SOX13: variants seen among roughly 807,000 people sequenced by gnomAD.
SOX13 encodes transcription factor SOX-13.
In SOX13, 28 loss-of-function variants were observed where a neutral mutation model predicts 71.8. The ratio of observed to expected loss-of-function variants is 0.39; its 90% CI spans 0.29 to 0.53. The LOEUF (loss-of-function observed/expected upper bound fraction) is 0.53. SOX13 is among the 20% of genes least tolerant of loss of function. The probability of loss-of-function intolerance (pLI) is 0.70; values close to 1 mark genes in which losing one functional copy is unlikely to be tolerated. For missense variants in SOX13, 627 were observed against 810.3 expected (o/e 0.77, Z 2.75); for synonymous variants, 309 against 317.8 (o/e 0.97, Z 0.29).
chr1:204,122,460 A>G, intron 9 of SOX13, 61 bp downstream of exon 9: 6 of 1,406,270 alleles, frequency 4.3e-6, no homozygotes, highest in Non-Finnish European at 5.8e-6. Flanking sequence ...CGGCGGCATG[A>G]TGCGACCTTG....
chr1:204,099,921 A>G (rs529005589), intron 1 of SOX13, among the ~76,000 whole-genome samples: 25 of 151,922 alleles, frequency 1.6e-4, no homozygotes, highest in African/African-American at 5.8e-4. Context: ...GCAGGAGGAT[A>G]GCTTGAGGCC....
Position 204,082,098 on chromosome 1 carries a change from G to A in SOX13, c.-2+8387G>A, listed in dbSNP as rs532513560. 4.0e-5 allele frequency among the ~76,000 whole-genome samples: 6 copies of A among 151,744 alleles called. No homozygotes were observed. In the South Asian group the frequency reaches 6.3e-4, roughly 16 times the overall value. ...TGTGTGTGGGGGGGAGGGAAGCTGA[G>A]TGTGATGTGTGTGTGAGTGTAATGT... On this transcript the variant is annotated intron_variant, in intron 1 of 13. Transcript: ENST00000367204.
intron 1 of SOX13, among the ~76,000 whole-genome samples, chr1:204,098,512 G>T (rs2102238944): frequency 6.6e-6 from 1 of 152,166 alleles, no homozygotes; most frequent in East Asian, 1.9e-4. Flanking sequence ...TGTTGTTGTT[G>T]CTGATTTTCT....
At chr1:204,075,040 G>C (rs1283354139) in intron 1 of SOX13, among the ~76,000 whole-genome samples, 1 of 152,200 alleles carries the variant, frequency 6.6e-6, no homozygotes, top group African/African-American at 2.4e-5. Flanking sequence ...GCTCTCAGCA[G>C]TCCAAGTAGG....
intron 7 of SOX13, among the ~76,000 whole-genome samples, chr1:204,120,166 C>T (rs1219632563): frequency 1.3e-5 from 2 of 152,226 alleles, no homozygotes; most frequent in Non-Finnish European, 2.9e-5. Flanking sequence ...CACTTTGTTT[C>T]AACAGCCTGA....
At chr1:204,086,132 G>C (rs978535363) in intron 1 of SOX13, among the ~76,000 whole-genome samples, 1 of 152,174 alleles carries the variant, frequency 6.6e-6, no homozygotes, top group Non-Finnish European at 1.5e-5. Flanking sequence ...GGTGTGGAGG[G>C]CCTGTGCAGC....
At chr1:204,114,700 A>G in intron 4 of SOX13, 95 bp downstream of exon 4, 1 of 929,434 alleles carries the variant, frequency 1.1e-6, no homozygotes, top group South Asian at 1.3e-5. Context: ...AGTTCTTGGT[A>G]CATACCTATC....
chr1:204,106,517 A>T (rs944283070), intron 1 of SOX13, among the ~76,000 whole-genome samples: 20 of 140,058 alleles, frequency 1.4e-4, no homozygotes, highest in East Asian at 4.1e-4. Context: ...TCCAAAATAA[A>T]TTTTTTTTTT....
intron 4 of SOX13, chr1:204,116,177 TCCACCCTGACCCTGTGTGGCG>T (rs1302706648): frequency 1.6e-6 from 2 of 1,283,692 alleles, no homozygotes; most frequent in African/African-American, 1.5e-5. Context: ...GGGATGGTTG[TCCACCCTGACCCTGTGTGGCG>T]CTGAGCACTC....
At chr1:204,078,839 T>TC (rs1655836737) in intron 1 of SOX13, among the ~76,000 whole-genome samples, 1 of 152,230 alleles carries the variant, frequency 6.6e-6, no homozygotes, top group African/African-American at 2.4e-5. Context: ...GCAGGGTTCC[T>TC]CCGACCTCTG....
intron 7 of SOX13, chr1:204,118,177 C>T (rs1656732587): frequency 6.5e-6 from 1 of 154,730 alleles, no homozygotes; most frequent in Non-Finnish European, 1.4e-5. Context: ...GTCCCAGCTA[C>T]TCAGAAGACT....
rs141073338 is a variant in SOX13, at chr1:204,104,286, C to T, written c.-1-8629C>T. On this transcript the variant is annotated intron_variant, in intron 1 of 13. Transcript: ENST00000367204. ...CCCCCCTGAGCTGGGCTAGACCAGA[C>T]CGGCCGTGCCCTGGATCTGATACCC... Among the ~76,000 whole-genome samples, 1,166 of 152,316 alleles carry T rather than the reference C, an allele frequency of 7.7e-3. 18 individuals carry two copies. The highest frequency in any genetic ancestry group is 0.027 in the African/African-American group (1,129 of 41,572).
At chr1:204,113,602 C>G (rs1019848251) in intron 2 of SOX13, among the ~76,000 whole-genome samples, 5 of 152,010 alleles carry the variant, frequency 3.3e-5, no homozygotes, top group African/African-American at 4.8e-5. Flanking sequence ...ATTCTTGCAG[C>G]TCCTAAAAAT....
intron 1 of SOX13, among the ~76,000 whole-genome samples, chr1:204,086,337 T>C (rs1007059490): frequency 6.6e-6 from 1 of 152,220 alleles, no homozygotes; most frequent in African/African-American, 2.4e-5. Context: ...GGAGTCTCGC[T>C]GTGTCGCCCA....
intron 9 of SOX13, 110 bp downstream of exon 9, chr1:204,122,509 A>C: frequency 2.4e-6 from 2 of 846,184 alleles, no homozygotes; most frequent in Non-Finnish European, 3.7e-6. Context: ...AGATTTTATC[A>C]AATGAGGGGT....
rs781680107 is a variant in SOX13, at chr1:204,102,425, C to T, written c.-1-10490C>T. Among the ~76,000 whole-genome samples the T allele has an allele frequency of 4.6e-5, 7 of 152,260 alleles. No individual in the cohort carries two copies. The East Asian group carries it at 9.7e-4, about 21-fold the overall frequency. ...TCTGCAGAGCTTTTGTGTCATCAGC[C>T]GGGGAAGGGAAGGCACCGTGGCTTG... On this transcript the variant is annotated intron_variant, in intron 1 of 13. Transcript: ENST00000367204.
chr1:204,083,606 C>T (rs1404382243), intron 1 of SOX13, among the ~76,000 whole-genome samples: 1 of 152,198 alleles, frequency 6.6e-6, no homozygotes, highest in Non-Finnish European at 1.5e-5. Flanking sequence ...GCACATTGGC[C>T]TTTTAAGCAG....
intron 1 of SOX13, among the ~76,000 whole-genome samples, chr1:204,085,809 C>CT (rs1364930744): frequency 6.6e-6 from 1 of 151,002 alleles, no homozygotes; most frequent in Non-Finnish European, 1.5e-5. Flanking sequence ...CCCGTCTGTA[C>CT]TAAAAAAAAA....
At chr1:204,079,222 C>T (rs183692530) in intron 1 of SOX13, among the ~76,000 whole-genome samples, 1 of 151,686 alleles carries the variant, frequency 6.6e-6, no homozygotes, top group African/African-American at 2.4e-5. Flanking sequence ...GGCATGAACC[C>T]GGGGCCAAGA....
Sources: gnomAD v4.1 joint callset for allele counts (sites outside exome capture counted in the v4.1 genomes callset) on GRCh38, gnomAD v4.1.1 for gene constraint, MANE v1.5 for transcripts, NCBI Gene and HGNC (gene_info 2026-07-23, HGNC 2026-07-21) for gene names.